The following TCF12 variants were observed in gnomAD, a reference collection of about 807,000 sequenced individuals.
TCF12 encodes DNA-binding protein HTF4.
In TCF12, 45 loss-of-function variants were observed where a neutral mutation model predicts 86.0. The ratio of observed to expected loss-of-function variants is 0.52; its 90% confidence interval spans 0.41 to 0.67. The LOEUF is 0.67. Ranked by LOEUF, TCF12 falls within the 30% of genes least tolerant of loss-of-function variation. The pLI is 0.00. For missense variants in TCF12, 881 were observed against 859.9 expected, an observed-to-expected ratio of 1.02 and a Z score of -0.31; for synonymous variants, 330 against 299.6, an observed-to-expected ratio of 1.10 and a Z score of -1.05.
At chr15:57,117,110 T>G (rs1689262254) in intron 5 of TCF12, among the ~76,000 whole-genome samples, 2 of 152,120 alleles carry the variant, frequency 1.3e-5, no homozygotes, top group Admixed American at 1.3e-4. Flanking sequence ...ACCTTTTTTT[T>G]TTTCTTTCTT....
At chr15:57,013,574 G>T (rs1278521773) in intron 3 of TCF12, among the ~76,000 whole-genome samples, 1 of 152,210 alleles carries the variant, frequency 6.6e-6, no homozygotes, top group African/African-American at 2.4e-5. Flanking sequence ...GCCTGCGTCA[G>T]TCTGCCAAAG....
intron 8 of TCF12, chr15:57,214,014 A>G (rs2058227517): frequency 6.6e-6 from 1 of 152,158 alleles, no homozygotes; most frequent in Non-Finnish European, 1.5e-5. Context: ...CTGCAGGAAA[A>G]TTATCAAGTT....
At chr15:57,103,703 A>T (rs2049919190) in intron 5 of TCF12, among the ~76,000 whole-genome samples, 3 of 152,244 alleles carry the variant, frequency 2.0e-5, no homozygotes, top group African/African-American at 7.2e-5. Flanking sequence ...CCAATATGGG[A>T]CTAATTAAGT....
At chr15:57,258,323 AAAG>A (rs749999510) in intron 16 of TCF12, among the ~76,000 whole-genome samples, 2 of 152,212 alleles carry the variant, frequency 1.3e-5, no homozygotes, top group Non-Finnish European at 2.9e-5. Flanking sequence ...GGAGCAATAA[AAAG>A]AGCTCTCTGC....
intron 5 of TCF12, among the ~76,000 whole-genome samples, chr15:57,126,060 G>A (rs929539150): frequency 6.6e-6 from 1 of 151,988 alleles, no homozygotes; most frequent in African/African-American, 2.4e-5. Flanking sequence ...ATGAAACCAC[G>A]TCCCTACTAA....
At chr15:56,924,243 T>C (rs1190295235) in intron 3 of TCF12, among the ~76,000 whole-genome samples, 2 of 152,180 alleles carry the variant, frequency 1.3e-5, no homozygotes, top group Non-Finnish European at 2.9e-5. Context: ...GTATCACAAC[T>C]AGGTTATTGA....
intron 5 of TCF12, among the ~76,000 whole-genome samples, chr15:57,140,431 C>G (rs1353072758): frequency 1.3e-5 from 2 of 152,096 alleles, no homozygotes; most frequent in African/African-American, 2.4e-5. Flanking sequence ...ATCCAACAAC[C>G]CTTGAGTATT....
intron 19 of TCF12, among the ~76,000 whole-genome samples, chr15:57,276,926 T>C (rs1360295506): frequency 6.6e-6 from 1 of 150,872 alleles, no homozygotes; most frequent in Admixed American, 6.6e-5. Context: ...TGCCTCTGCC[T>C]CCTCCATAGC....
chr15:57,001,962 C>A (rs1346663928), intron 3 of TCF12, among the ~76,000 whole-genome samples: 3 of 152,134 alleles, frequency 2.0e-5, no homozygotes, highest in African/African-American at 7.2e-5. Context: ...TGAAGGAGAG[C>A]ATGAAACTTT....
At chr15:56,950,591 C>T (rs1470129594) in intron 3 of TCF12, among the ~76,000 whole-genome samples, 1 of 151,982 alleles carries the variant, frequency 6.6e-6, no homozygotes, top group Non-Finnish European at 1.5e-5. Flanking sequence ...CTTAAATCGG[C>T]ATAATTATTT....
chr15:57,258,711 G>A (rs765959286), intron 16 of TCF12, among the ~76,000 whole-genome samples: 11 of 152,114 alleles, frequency 7.2e-5, no homozygotes, highest in Admixed American at 2.6e-4. Context: ...GTATGAGAGC[G>A]TAGTAACTAA....
At chr15:57,222,322 A>G (rs770713282) in intron 8 of TCF12, among the ~76,000 whole-genome samples, 7 of 151,794 alleles carry the variant, frequency 4.6e-5, no homozygotes, top group Non-Finnish European at 1.0e-4. Context: ...GAGACCAAAG[A>G]ACTTTTTTAT....
intron 4 of TCF12, among the ~76,000 whole-genome samples, chr15:57,088,103 G>T (rs2048763643): frequency 6.6e-6 from 1 of 152,068 alleles, no homozygotes; most frequent in African/African-American, 2.4e-5. Context: ...TTCATTTACT[G>T]GTCCCATTGG....
At chr15:57,015,160 T>C (rs548268414) in intron 3 of TCF12, among the ~76,000 whole-genome samples, 1 of 152,152 alleles carries the variant, frequency 6.6e-6, no homozygotes, top group South Asian at 2.1e-4. Context: ...TGGTGGTACA[T>C]ACTTGTAATT....
chr15:57,166,989 A>G lies in TCF12; in HGVS notation c.390+523A>G, dbSNP rs377200401. Among the ~76,000 whole-genome samples the G allele has an allele frequency of 3.9e-5, 6 of 152,128 alleles. No individual in the cohort carries two copies. In the East Asian group the frequency reaches 9.7e-4, roughly 25 times the overall value. On this transcript the variant is annotated intron_variant, in intron 6 of 20. Coordinates refer to ENST00000333725, the MANE Select transcript of TCF12 (RefSeq NM_207037.2). ...GCATCTTTTCTGCCTTTTTCCTCATATCTTTAGACTGAGAATCCTGAACAC... is the reference window on the plus strand; with the variant it reads ...GCATCTTTTCTGCCTTTTTCCTCATGTCTTTAGACTGAGAATCCTGAACAC...
chr15:57,247,330 G>GT (rs1396299182), intron 13 of TCF12: 3 of 655,456 alleles, frequency 4.6e-6, no homozygotes, highest in Non-Finnish European at 8.3e-6. Flanking sequence ...TTCCATCAGA[G>GT]TTTCCACCAC....
At chr15:57,277,664 CAG>C (rs2061466191) in intron 19 of TCF12, among the ~76,000 whole-genome samples, 2 of 150,884 alleles carry the variant, frequency 1.3e-5, no homozygotes, top group African/African-American at 4.9e-5. Flanking sequence ...TGGCTGGGCA[CAG>C]TGGCTTATGC....
At chr15:57,027,907 G>A (rs2065914172) in intron 3 of TCF12, among the ~76,000 whole-genome samples, 1 of 152,036 alleles carries the variant, frequency 6.6e-6, no homozygotes, top group African/African-American at 2.4e-5. Flanking sequence ...TTCACCTTCT[G>A]CCATGATTGT....
At chr15:57,059,764 C>A (rs2068315156) in intron 3 of TCF12, among the ~76,000 whole-genome samples, 1 of 113,716 alleles carries the variant, frequency 8.8e-6, no homozygotes, top group African/African-American at 3.5e-5. Flanking sequence ...GAGGGAAACA[C>A]AATAGGTGCT....
Sources: gnomAD v4.1 joint callset for allele counts (sites outside exome capture counted in the v4.1 genomes callset) on GRCh38, gnomAD v4.1.1 for gene constraint, MANE v1.5 for transcripts, NCBI Gene and HGNC (gene_info 2026-07-23, HGNC 2026-07-21) for gene names.